KNSTRN: variants seen among roughly 807,000 people sequenced by gnomAD.
KNSTRN encodes the protein small kinetochore-associated protein.
A neutral mutation model predicts 44.7 loss-of-function variants in KNSTRN; 38 were observed. The ratio of observed to expected loss-of-function variants is 0.85; its 90% confidence interval spans 0.66 to 1.11. KNSTRN has a LOEUF of 1.11. Ranked by LOEUF, KNSTRN falls within the 50% of genes most tolerant of loss-of-function variation. The pLI, the probability that KNSTRN is intolerant of heterozygous loss-of-function variation, is 0.00. For synonymous variants in KNSTRN, 158 were observed against 148.1 expected, an observed-to-expected ratio of 1.07 and a Z score of -0.48; for missense variants, 406 against 375.8, an observed-to-expected ratio of 1.08 and a Z score of -0.66.
At position 40,383,006 on chromosome 15, in the gene KNSTRN, G is replaced by A. The variant is rs1444208558; in HGVS notation, c.171G>A (p.Glu57=). 6.2e-7 allele frequency: 1 copy of A among 1,611,726 alleles called. No individual in the cohort carries two copies. The highest frequency in any genetic ancestry group is 8.5e-7 in the Non-Finnish European group (1 of 1,180,048). The change falls in exon 1 of 9, where the codon GAG becomes GAA. Residue 57 remains glutamate, a synonymous_variant. Transcript: ENST00000249776. ...TTVAAGNLLN[E]SEKDCGQDRR... ...TTGCTGCAGGGAATCTTTTAAACGAGAGCGAGAAGGACTGCGGGCAGGACC... is the reference window on the plus strand; with the variant it reads ...TTGCTGCAGGGAATCTTTTAAACGAAAGCGAGAAGGACTGCGGGCAGGACC...
At chr15:40,392,119 C>A in intron 8 of KNSTRN, 96 bp downstream of exon 8, 1 of 742,808 alleles carries the variant, frequency 1.3e-6, no homozygotes, top group Non-Finnish European at 2.1e-6. Flanking sequence ...AATAAACTTT[C>A]TAAATAATTT....
At chr15:40,387,333 T>C in intron 4 of KNSTRN, 127 bp downstream of exon 4, 2 of 785,172 alleles carry the variant, frequency 2.5e-6, no homozygotes, top group Non-Finnish European at 4.5e-6. Flanking sequence ...CTCAGGAACC[T>C]GAGTGGAATT....
rs541994025 is a variant in KNSTRN at position 40,383,463 on chromosome 15, A to G, written c.304+141A>G. 1,466 of 622,492 alleles carry G rather than the reference A, an allele frequency of 2.4e-3. 28 individuals are homozygous for G. The highest frequency in any genetic ancestry group is 0.02 in the South Asian group (1,039 of 51,140). The allele number at this position is 622,492 out of a possible 1,614,324, so 38.6% of individuals were successfully genotyped here. ...CCTGTGAGCCCCCTATAACCAGGCT[A>G]TGTAGGTTTATGATGGGAGTTAAGG... On this transcript the variant is annotated intron_variant, in intron 2 of 8. Transcript: ENST00000249776.
chr15:40,389,988 G>A (rs947276904), intron 6 of KNSTRN, 59 bp downstream of exon 6: 23 of 1,382,274 alleles, frequency 1.7e-5, no homozygotes, highest in Non-Finnish European at 2.3e-5. Context: ...GCCCCTTCCG[G>A]GGTTGATCTT....
rs369930942 is a variant in KNSTRN, at chr15:40,393,508, C to T, written c.862C>T (p.Arg288Ter). ...GCTGGAGATGAAAGAGGAAAGAGTC[C>T]GATTCCTAGAACAGCAAACCTTATG... ...VKLEMKEERV[R>*]FLEQQTLCNN... Residue 288 changes from arginine to a stop codon, truncating the protein, a stop_gained, in exon 9 of 9, where the codon CGA (arginine) becomes TGA (stop). Transcript: ENST00000249776. LOFTEE classifies it high-confidence loss of function. 43 of 1,613,702 alleles carry T rather than the reference C, an allele frequency of 2.7e-5. No homozygotes were observed. The highest frequency in any genetic ancestry group is 1.5e-4 in the Admixed American group (9 of 59,948).
In KNSTRN at chr15:40,389,548, G is replaced by A. The variant is rs755749360; in HGVS notation, c.528G>A (p.Lys176=). The A allele has an allele frequency of 7.4e-6, 12 of 1,614,046 alleles. No homozygotes were observed. The East Asian group carries it at 2.7e-4, about 36-fold the overall frequency. The change falls in exon 5 of 9, where the codon AAG becomes AAA. Residue 176 remains lysine, a synonymous_variant. Coordinates refer to ENST00000249776, the MANE Select transcript of KNSTRN (RefSeq NM_033286.4). ...AGCAAAAATCAGAGGAAGAGCTCAAGGACAAGAACCAGCTGTTAGAAGCCG... is the reference window on the plus strand; with the variant it reads ...AGCAAAAATCAGAGGAAGAGCTCAAAGACAAGAACCAGCTGTTAGAAGCCG... ...LSKQKSEEEL[K]DKNQLLEAVN...
In KNSTRN at chr15:40,382,730, A is replaced by T; in HGVS notation, c.-106A>T. 1 of 998,522 alleles carries T rather than the reference A, an allele frequency of 1.0e-6. No individual in the cohort carries two copies. The allele number at this position is 998,522 out of a possible 1,614,324, so 61.9% of individuals were successfully genotyped here. On this transcript the variant is annotated 5_prime_UTR_variant, in exon 1 of 9. Coordinates refer to ENST00000249776, the MANE Select transcript of KNSTRN (RefSeq NM_033286.4). ...ATGACGCTGGTAGCTCATTAGCTCC[A>T]TTCAAGCCTACAAATTGCATCACCC...
intron 6 of KNSTRN, among the ~76,000 whole-genome samples, chr15:40,390,737 C>A (rs1442810468): frequency 6.6e-6 from 1 of 152,138 alleles, no homozygotes; most frequent in South Asian, 2.1e-4. Context: ...GCCTCAGCCT[C>A]CTGAGTAGCT....
rs552132176 is a variant in KNSTRN at position 40,384,603 on chromosome 15, GTGT to G, written c.304+1283_304+1285del. 3.6e-3 allele frequency: 1,449 copies of G among 401,216 alleles called. 7 individuals carry two copies. Among genetic ancestry groups the G allele is most frequent in the Non-Finnish European group, 4.5e-3 (896 of 199,818 alleles). The allele number at this position is 401,216 out of a possible 1,614,324, so 24.9% of individuals were successfully genotyped here. The stretch of plus-strand genomic sequence containing the variant: ...ACTAGCTCTCTCAGCCAAGTTGGAA[GTGT>G]TCATCTCTTTGATTTCTATCTCTGT... On this transcript the variant is annotated intron_variant, in intron 2 of 8. Transcript: ENST00000249776.
At chr15:40,383,161 C>T (rs1889842441) in intron 1 of KNSTRN, 67 bp from the exon 2 acceptor site, 9 of 1,579,674 alleles carry the variant, frequency 5.7e-6, no homozygotes, top group East Asian at 2.2e-5. Flanking sequence ...TCGCGCTATC[C>T]CCGGGCCCTC....
Position 40,383,043 on chromosome 15 carries a change from G to A in KNSTRN, c.208G>A (p.Gly70Arg), listed in dbSNP as rs376621331. ...CTGCGGGCAGGACCGGCGGGCTCCT[G>A]GGTTCGGCTCTCCCGGGGCGAGGGA... Reference protein sequence around the residue: ...KDCGQDRRAPGVQPCRLVTMT... With the variant: ...KDCGQDRRAPRVQPCRLVTMT... Residue 70 changes from glycine to arginine, a missense_variant and splice_region_variant, in exon 1 of 9, where the codon GGG (glycine) becomes AGG (arginine). Transcript: ENST00000249776. 5.6e-6 allele frequency: 9 copies of A among 1,610,068 alleles called. No homozygotes were observed. The highest frequency in any genetic ancestry group is 7.6e-6 in the Non-Finnish European group (9 of 1,179,990).
intron 7 of KNSTRN, 171 bp from the exon 8 acceptor site, chr15:40,391,778 C>T (rs1890001218): frequency 1.5e-6 from 1 of 667,792 alleles, no homozygotes; most frequent in Non-Finnish European, 2.6e-6. Flanking sequence ...ATTTAAAACA[C>T]ATAATAGGTA....
At chr15:40,390,203 A>T (rs1007621090) in intron 6 of KNSTRN, among the ~76,000 whole-genome samples, 1 of 152,256 alleles carries the variant, frequency 6.6e-6, no homozygotes, top group East Asian at 1.9e-4. Flanking sequence ...TGACCTTGCA[A>T]ATAGATGAGA....
intron 1 of KNSTRN, 89 bp downstream of exon 1, chr15:40,383,133 G>T: frequency 6.3e-7 from 1 of 1,588,046 alleles, no homozygotes; most frequent in South Asian, 1.1e-5. Context: ...TTCCAACCCC[G>T]AGCCGGGGCC....
intron 2 of KNSTRN, among the ~76,000 whole-genome samples, 179 bp from the exon 3 acceptor site, chr15:40,386,183 C>T (rs1475858401): frequency 1.3e-5 from 2 of 152,056 alleles, no homozygotes; most frequent in Non-Finnish European, 2.9e-5. Flanking sequence ...GCCAAGATCA[C>T]ACCACTGTAC....
At chr15:40,383,712 A>G in intron 2 of KNSTRN, among the ~76,000 whole-genome samples, 1 of 152,140 alleles carries the variant, frequency 6.6e-6, no homozygotes, top group Non-Finnish European at 1.5e-5. Context: ...GAGAAGTGGG[A>G]TACTTAGGGT....
In KNSTRN at chr15:40,383,032, G is replaced by A. The variant is rs1889838879; in HGVS notation, c.197G>A (p.Arg66Gln). 6.2e-7 allele frequency: 1 copy of A among 1,610,720 alleles called. No individual in the cohort carries two copies. Among genetic ancestry groups the A allele is most frequent in the Non-Finnish European group, 8.5e-7 (1 of 1,180,008 alleles). ...NESEKDCGQD[R>Q]RAPGVQPCRL... is the part of the protein sequence containing the mutation. ...AGCGAGAAGGACTGCGGGCAGGACC[G>A]GCGGGCTCCTGGGTTCGGCTCTCCC... Residue 66 changes from arginine to glutamine, a missense_variant, in exon 1 of 9, where the codon CGG (arginine) becomes CAG (glutamine). Transcript: ENST00000249776.
chr15:40,392,358 A>G (rs948582680), intron 8 of KNSTRN, among the ~76,000 whole-genome samples: 1 of 152,092 alleles, frequency 6.6e-6, no homozygotes, highest in African/African-American at 2.4e-5. Context: ...TCCACCCCCA[A>G]TAGTAACATC....
chr15:40,391,803 G>A (rs1235289917), intron 7 of KNSTRN, 146 bp from the exon 8 acceptor site: 4 of 706,922 alleles, frequency 5.7e-6, no homozygotes, highest in Non-Finnish European at 9.6e-6. Flanking sequence ...TGTAGAGAGA[G>A]CTTTCTCGTT....
Sources: gnomAD v4.1 joint callset for allele counts (sites outside exome capture counted in the v4.1 genomes callset) on GRCh38, gnomAD v4.1.1 for gene constraint, MANE v1.5 for transcripts, NCBI Gene and HGNC (gene_info 2026-07-23, HGNC 2026-07-21) for gene names.